DENND5B: variants seen among roughly 807,000 people sequenced by gnomAD.
DENND5B encodes the protein DENN domain-containing protein 5B.
A neutral mutation model predicts 140.6 loss-of-function variants in DENND5B; 34 were observed. The observed-to-expected ratio is 0.24, with a 90% CI of 0.18 to 0.32. DENND5B has a LOEUF of 0.32. DENND5B is among the 10% of genes least tolerant of loss of function. The pLI, the probability that DENND5B is intolerant of heterozygous loss-of-function variation, is 1.00. For synonymous variants in DENND5B, 551 were observed against 562.1 expected, an observed-to-expected ratio of 0.98 and a Z score of 0.28; for missense variants, 1,142 against 1,560.2, an observed-to-expected ratio of 0.73 and a Z score of 4.52.
At chr12:31,451,684 A>G (rs940275224) in intron 5 of DENND5B, 6 of 427,950 alleles carry the variant, frequency 1.4e-5, no homozygotes, top group Non-Finnish European at 2.1e-5. Flanking sequence ...ATTACAGGCA[A>G]TTTAACGCAC....
chr12:31,438,473 T>A (rs571936835), intron 7 of DENND5B, among the ~76,000 whole-genome samples: 4 of 152,050 alleles, frequency 2.6e-5, no homozygotes, highest in Non-Finnish European at 4.4e-5. Flanking sequence ...AAGGGAAAAA[T>A]GTGCAAAGAT....
intron 8 of DENND5B, among the ~76,000 whole-genome samples, chr12:31,427,571 A>C (rs1593137394): frequency 1.3e-5 from 2 of 149,764 alleles, no homozygotes. Context: ...GCGTCACTGC[A>C]CTCCAGCCTG....
intron 1 of DENND5B, among the ~76,000 whole-genome samples, chr12:31,515,409 C>G (rs998759942): frequency 2.0e-5 from 3 of 152,090 alleles, no homozygotes; most frequent in African/African-American, 7.2e-5. Flanking sequence ...GATTCTTTCA[C>G]AGTATGATAT....
At chr12:31,522,244 T>C (rs1199059429) in intron 1 of DENND5B, among the ~76,000 whole-genome samples, 1 of 152,174 alleles carries the variant, frequency 6.6e-6, no homozygotes, top group Non-Finnish European at 1.5e-5. Flanking sequence ...TATCACATTG[T>C]GCAGTAGAAA....
At chr12:31,473,320 T>C (rs1162444517) in intron 3 of DENND5B, among the ~76,000 whole-genome samples, 1 of 152,190 alleles carries the variant, frequency 6.6e-6, no homozygotes, top group Non-Finnish European at 1.5e-5. Flanking sequence ...AGGAGGAAGT[T>C]TGAATGAAAT....
intron 2 of DENND5B, among the ~76,000 whole-genome samples, chr12:31,486,103 T>A (rs986273808): frequency 2.6e-5 from 4 of 152,216 alleles, no homozygotes; most frequent in African/African-American, 9.6e-5. Context: ...TATGTGTGCC[T>A]CCAAAATTCA....
intron 11 of DENND5B, among the ~76,000 whole-genome samples, chr12:31,417,599 A>T (rs1942816031): frequency 6.6e-6 from 1 of 152,058 alleles, no homozygotes; most frequent in South Asian, 2.1e-4. Flanking sequence ...GTGCCACCAC[A>T]CCTGGCTAAT....
In DENND5B at chr12:31,428,046, T is replaced by C. The variant is rs1032669471; in HGVS notation, c.2107-1622A>G. On this transcript the variant is annotated intron_variant, in intron 8 of 20. Coordinates refer to ENST00000389082, the MANE Select transcript of DENND5B (RefSeq NM_144973.4). Reference sequence around the variant, plus strand: ...GTGACGAAAGGCAAAATTAACAAAATAATGTTTTTTTCCAGTCCAATCATT... The same window carrying C: ...GTGACGAAAGGCAAAATTAACAAAACAATGTTTTTTTCCAGTCCAATCATT... Among the ~76,000 whole-genome samples the C allele has an allele frequency of 2.0e-5, 3 of 152,276 alleles. No individual in the cohort carries two copies. In the East Asian group the frequency reaches 5.8e-4, roughly 29 times the overall value.
Position 31,452,336 on chromosome 12 carries a change from T to A in DENND5B, c.1233A>T (p.Leu411=), listed in dbSNP as rs34234771. 2 of 1,614,000 alleles carry A rather than the reference T, an allele frequency of 1.2e-6. No individual in the cohort carries two copies. ...GTTTGCTGGTACTCTCACTGCAATG[T>A]AGGCTGCCCTCAGGAGGGATCCCAA... ...VQFGIPPEGS[L]HCSESTSKLK... The change falls in exon 5 of 21, where the codon CTA becomes CTT. Residue 411 remains leucine (L), a synonymous_variant. Transcript: ENST00000389082.
rs1216105020 is a variant in DENND5B at position 31,421,758 on chromosome 12, A to G, written c.2470+1839T>C. The stretch of plus-strand genomic sequence containing the variant: ...GTAGAAACAGGGTTTCACCATATTG[A>G]CCAGGCTGGTCTTGAACTCCTGATC... On this transcript the variant is annotated intron_variant, in intron 11 of 20. Coordinates refer to ENST00000389082, the MANE Select transcript of DENND5B (RefSeq NM_144973.4). 2.0e-5 allele frequency among the ~76,000 whole-genome samples: 3 copies of G among 151,696 alleles called. 1 individual carries two copies. The highest frequency in any genetic ancestry group is 2.0e-4 in the Admixed American group (3 of 15,230).
At chr12:31,544,781 T>C (rs141356773) in intron 1 of DENND5B, among the ~76,000 whole-genome samples, 7 of 152,194 alleles carry the variant, frequency 4.6e-5, no homozygotes, top group African/African-American at 1.4e-4. Flanking sequence ...GCCCTCCTGA[T>C]AGGATGCACT....
intron 1 of DENND5B, among the ~76,000 whole-genome samples, chr12:31,552,232 C>T (rs1221739752): frequency 4.6e-5 from 7 of 152,086 alleles, no homozygotes; most frequent in Non-Finnish European, 1.0e-4. Context: ...TTTTGAGATA[C>T]GTCCCATCAA....
intron 8 of DENND5B, among the ~76,000 whole-genome samples, chr12:31,430,551 G>A (rs894764141): frequency 7.0e-6 from 1 of 143,580 alleles, no homozygotes; most frequent in Non-Finnish European, 1.5e-5. Flanking sequence ...CGTGCCTGTA[G>A]TCCCAGCTAC....
chr12:31,558,265 C>T (rs1949363060), intron 1 of DENND5B, among the ~76,000 whole-genome samples: 2 of 151,962 alleles, frequency 1.3e-5, no homozygotes, highest in Non-Finnish European at 2.9e-5. Context: ...AATCAGAACC[C>T]ACCCCCCAAC....
chr12:31,577,805 A>G (rs1197599592), intron 1 of DENND5B, among the ~76,000 whole-genome samples: 2 of 151,382 alleles, frequency 1.3e-5, no homozygotes, highest in Admixed American at 1.3e-4. Flanking sequence ...TCAGCACTTC[A>G]GTCTTCACAG....
chr12:31,577,470 G>A (rs1210059015), intron 1 of DENND5B, among the ~76,000 whole-genome samples: 1 of 151,862 alleles, frequency 6.6e-6, no homozygotes, highest in Non-Finnish European at 1.5e-5. Flanking sequence ...CAGCACTTTG[G>A]GAGGCCGAGG....
At chr12:31,440,309 C>T (rs969806420) in intron 7 of DENND5B, among the ~76,000 whole-genome samples, 1 of 152,170 alleles carries the variant, frequency 6.6e-6, no homozygotes, top group African/African-American at 2.4e-5. Context: ...CTCAGCCTCC[C>T]AGTAGGTAGT....
At chr12:31,424,079 A>G (rs1305760610) in intron 10 of DENND5B, among the ~76,000 whole-genome samples, 1 of 152,206 alleles carries the variant, frequency 6.6e-6, no homozygotes, top group African/African-American at 2.4e-5. Flanking sequence ...TGGAGTGGCG[A>G]TAAGAGAAAA....
chr12:31,421,107 A>C (rs1232555605), intron 11 of DENND5B, among the ~76,000 whole-genome samples: 1 of 152,158 alleles, frequency 6.6e-6, no homozygotes, highest in East Asian at 1.9e-4. Context: ...ACAGCGGAGC[A>C]GTCTTGGCTC....
Sources: allele counts gnomAD v4.1 joint callset (sites outside exome capture counted in the v4.1 genomes callset), GRCh38; gene constraint gnomAD v4.1.1; transcripts MANE v1.5; gene names NCBI Gene and HGNC (gene_info 2026-07-23, HGNC 2026-07-21).